KBTBD6: variants seen among roughly 807,000 people sequenced by gnomAD.
The protein encoded by KBTBD6 is kelch repeat and BTB domain containing 6.
A neutral mutation model predicts 34.4 loss-of-function variants in KBTBD6; 6 were observed. That is an observed-to-expected ratio of 0.17 (90% CI 0.10 to 0.34). The LOEUF is 0.34. KBTBD6 is among the 10% of genes least tolerant of loss of function. The pLI is 1.00. For synonymous variants in KBTBD6, 288 were observed against 327.2 expected (o/e 0.88, Z 1.29); for missense variants, 557 against 856.0 (o/e 0.65, Z 4.36).
rs767298954 is a variant in KBTBD6 at position 41,131,516 on chromosome 13, T to G, written c.996A>C (p.Glu332Asp). Residue 332 changes from glutamate (E) to aspartate (D), a missense_variant, in exon 1 of 1, where the codon GAA (glutamate) becomes GAC (aspartate). Glu to Asp is a conservative substitution (Grantham distance 45). Transcript: ENST00000379485. This position sits in a 1 kb window ranked among gnomAD's most constrained non-coding sequence, Gnocchi z 5.8. ...ACATACCCAGTCTCTGGGGTGGATT[T>G]TCTGCTGCAGATACAAGAGAGTTGC... is the stretch of plus-strand genomic sequence containing the variant. Reference protein sequence around the residue: ...SSSNSLVSAAENPPQRLGMCA... With the variant: ...SSSNSLVSAADNPPQRLGMCA... The G allele has an allele frequency of 1.2e-5, 20 of 1,614,064 alleles. No individual in the cohort carries two copies. Among genetic ancestry groups the G allele is most frequent in the Middle Eastern group, 1.6e-4 (1 of 6,084 alleles).
In KBTBD6 at chr13:41,128,705, G is replaced by A; in HGVS notation, c.*1782C>T. On this transcript the variant is annotated 3_prime_UTR_variant, in exon 1 of 1. Transcript: ENST00000379485. Reference sequence around the variant, plus strand: ...GTGCTGAGACATGATCATAGCTGCAGTGAGCTATGATTATAGCTGCAGATG... The same window carrying A: ...GTGCTGAGACATGATCATAGCTGCAATGAGCTATGATTATAGCTGCAGATG... The A allele has an allele frequency of 2.7e-6, 1 of 373,490 alleles. No individual in the cohort carries two copies. 23.1% of individuals were successfully genotyped at this position (373,490 alleles called of 1,614,324 possible).
Position 41,132,682 on chromosome 13 carries a change from T to A in KBTBD6, c.-171A>T. The A allele has an allele frequency of 2.6e-6, 2 of 764,652 alleles. No homozygotes were observed. 47.4% of individuals were successfully genotyped at this position (764,652 alleles called of 1,614,324 possible). A position where few individuals can be genotyped will look rare whatever the true frequency, so the allele number is the denominator to read the frequency against. ...CCGCAGAACCGCCTCCCGTTATCGT[T>A]TAGACAGTGGCTGACTCACCCTCTC... On this transcript the variant is annotated 5_prime_UTR_variant, in exon 1 of 1. Transcript: ENST00000379485.
Position 41,131,746 on chromosome 13 carries a change from G to A in KBTBD6, c.766C>T (p.Pro256Ser). ...WLEAAPKERG[P>S]SAAEVFKCVR... ...CACTTGAAGACTTCTGCAGCACTGG[G>A]ACCCCGCTCTTTGGGAGCAGCCTCC... Residue 256 changes from proline to serine, a missense_variant, in exon 1 of 1, where the codon CCC becomes TCC. By Grantham distance (74) the Pro-to-Ser change is moderately conservative (BLOSUM62 -1). Around this residue, in one of 4 missense-constraint regions of KBTBD6, gnomAD observed 100 missense variants for 102.1 expected, o/e 0.98. Transcript: ENST00000379485. This position sits in a 1 kb window ranked among gnomAD's most constrained non-coding sequence, Gnocchi z 5.8. The A allele has an allele frequency of 1.2e-6, 2 of 1,614,190 alleles. No homozygotes were observed. Among genetic ancestry groups the A allele is most frequent in the Non-Finnish European group, 1.7e-6 (2 of 1,180,042 alleles).
In KBTBD6 at chr13:41,131,447, G is replaced by A; in HGVS notation, c.1065C>T (p.Pro355=). The A allele has an allele frequency of 1.9e-6, 3 of 1,614,190 alleles. No homozygotes were observed. The highest frequency in any genetic ancestry group is 2.5e-6 in the Non-Finnish European group (3 of 1,180,042). The change falls in exon 1 of 1, where the codon CCC becomes CCT. Residue 355 remains proline, a synonymous_variant. Coordinates refer to ENST00000379485, the MANE Select transcript of KBTBD6 (RefSeq NM_152903.5). This position sits in a 1 kb window ranked among gnomAD's most constrained non-coding sequence, Gnocchi z 5.8. ...MVIFFGHPRD[P]FLCCDPYSGD... is the part of the protein sequence containing the mutation. ...CCGAGTATGGATCACAGCAGAGAAA[G>A]GGATCTCTGGGGTGTCCAAAGAAGA...
chr13:41,132,155 G>C lies in KBTBD6; in HGVS notation c.357C>G (p.Ala119=). 1.2e-6 allele frequency: 2 copies of C among 1,614,240 alleles called. No individual in the cohort carries two copies. The highest frequency in any genetic ancestry group is 8.5e-7 in the Non-Finnish European group (1 of 1,180,042). ...QASVTMHDVD[A]ESFEVLVDYC... ...AGTCGACCAACACCTCGAAGGACTC[G>C]GCGTCCACATCGTGCATGGTCACGC... The change falls in exon 1 of 1, where the codon GCC becomes GCG. Residue 119 remains alanine, a synonymous_variant. Coordinates refer to ENST00000379485, the MANE Select transcript of KBTBD6 (RefSeq NM_152903.5).
rs150312952 is a variant in KBTBD6 at position 41,131,297 on chromosome 13, G to C, written c.1215C>G (p.Leu405=). ...TATTCTGAGCTGGTTTATACACCCA[G>C]AGGTCTGTCCTGGGCTGAGCAGCTA... ...IYLAAQPRTD[L]WVYKPAQNSW... The change falls in exon 1 of 1, where the codon CTC becomes CTG. Residue 405 remains leucine, a synonymous_variant. Transcript: ENST00000379485. This position sits in a 1 kb window ranked among gnomAD's most constrained non-coding sequence, Gnocchi z 5.8. 4.4e-4 allele frequency: 704 copies of C among 1,614,218 alleles called. 1 individual carries two copies. Among genetic ancestry groups the C allele is most frequent in the South Asian group, 2.4e-3 (223 of 91,086 alleles).
chr13:41,128,637 G>C lies in KBTBD6; in HGVS notation c.*1850C>G, dbSNP rs960962429. ...CTTATGTTCTTTAACTATCAACTTT[G>C]TTTTTCTAAGAGATGGGATCTCGTT... is the stretch of plus-strand genomic sequence containing the variant. On this transcript the variant is annotated 3_prime_UTR_variant, in exon 1 of 1. Coordinates refer to ENST00000379485, the MANE Select transcript of KBTBD6 (RefSeq NM_152903.5). 1.3e-5 allele frequency: 5 copies of C among 389,120 alleles called. No individual in the cohort carries two copies. Among genetic ancestry groups the C allele is most frequent in the Non-Finnish European group, 1.4e-5 (3 of 219,500 alleles). The allele number at this position is 389,120 out of a possible 1,614,324, so 24.1% of individuals were successfully genotyped here.
chr13:41,130,516 C>T lies in KBTBD6; in HGVS notation c.1996G>A (p.Asp666Asn). 2 of 1,613,950 alleles carry T rather than the reference C, an allele frequency of 1.2e-6. No individual in the cohort carries two copies. Residue 666 changes from aspartate (D) to asparagine (N), a missense_variant, in exon 1 of 1, where the codon GAT becomes AAT. Asp to Asn is a conservative substitution (Grantham distance 23). Coordinates refer to ENST00000379485, the MANE Select transcript of KBTBD6 (RefSeq NM_152903.5). This position sits in a 1 kb window ranked among gnomAD's most constrained non-coding sequence, Gnocchi z 4.8. The stretch of plus-strand genomic sequence containing the variant: ...TGAGGCGCTACACGCACCCAAAAAT[C>T]ATCATCAGAAAGAGAACTTGAACTT... ...SGSSSSLSDD[D>N]FWVRVAPQ
rs1459079616 is a variant in KBTBD6 at position 41,131,311 on chromosome 13, G to C, written c.1201C>G (p.Pro401Ala). Reference sequence around the variant, plus strand: ...TTATACACCCAGAGGTCTGTCCTGGGCTGAGCAGCTAGATAGATGTCATGG... The same window carrying C: ...TTATACACCCAGAGGTCTGTCCTGGCCTGAGCAGCTAGATAGATGTCATGG... Reference protein sequence around the residue: ...PDHDIYLAAQPRTDLWVYKPA... With the variant: ...PDHDIYLAAQARTDLWVYKPA... Residue 401 changes from proline to alanine, a missense_variant, in exon 1 of 1, where the codon CCC becomes GCC. Transcript: ENST00000379485. This position sits in a 1 kb window ranked among gnomAD's most constrained non-coding sequence, Gnocchi z 5.8. The C allele has an allele frequency of 6.2e-7, 1 of 1,614,070 alleles. No homozygotes were observed.
In KBTBD6 at chr13:41,130,391, T is replaced by C; in HGVS notation, c.*96A>G. On this transcript the variant is annotated 3_prime_UTR_variant, in exon 1 of 1. Transcript: ENST00000379485. The surrounding 1 kb of genome is among the most constrained non-coding windows in gnomAD (Gnocchi z 4.8). The stretch of plus-strand genomic sequence containing the variant: ...AAGTTAATCAACTTTTCCTCTCCTT[T>C]AGGAACAAAAAGGATATTTAAGATA... 3.2e-6 allele frequency: 3 copies of C among 924,998 alleles called. No individual in the cohort carries two copies. The highest frequency in any genetic ancestry group is 4.9e-6 in the Non-Finnish European group (3 of 617,730). The allele number at this position is 924,998 out of a possible 1,614,324, so 57.3% of individuals were successfully genotyped here. A position where few individuals can be genotyped will look rare whatever the true frequency, so the allele number is the denominator to read the frequency against.
rs150633583 is a variant in KBTBD6, at chr13:41,131,761, G to A, written c.751C>T (p.Pro251Ser). The A allele has an allele frequency of 6.2e-7, 1 of 1,613,786 alleles. No homozygotes were observed. Among genetic ancestry groups the A allele is most frequent in the Non-Finnish European group, 8.5e-7 (1 of 1,179,870 alleles). Residue 251 changes from proline (P) to serine (S), a missense_variant, in exon 1 of 1, where the codon CCC becomes TCC. By Grantham distance (74) the Pro-to-Ser change is moderately conservative (BLOSUM62 -1). This residue lies in a region of KBTBD6 where 100 missense variants were observed against 102.1 expected (regional missense o/e 0.98). Coordinates refer to ENST00000379485, the MANE Select transcript of KBTBD6 (RefSeq NM_152903.5). This position sits in a 1 kb window ranked among gnomAD's most constrained non-coding sequence, Gnocchi z 5.8. Reference sequence around the variant, plus strand: ...GCAGCACTGGGACCCCGCTCTTTGGGAGCAGCCTCCAGCCACTGCACTGCC... The same window carrying A: ...GCAGCACTGGGACCCCGCTCTTTGGAAGCAGCCTCCAGCCACTGCACTGCC... ...HVAVQWLEAA[P>S]KERGPSAAEV... is the part of the protein sequence containing the mutation.
chr13:41,131,422 C>T lies in KBTBD6; in HGVS notation c.1090G>A (p.Gly364Arg). The T allele has an allele frequency of 6.2e-7, 1 of 1,614,108 alleles. No homozygotes were observed. Among genetic ancestry groups the T allele is most frequent in the African/African-American group, 1.3e-5 (1 of 75,008 alleles). ...GGTGACGGCACTTTGTAAAGGTCCC[C>T]CGAGTATGGATCACAGCAGAGAAAG... ...DPFLCCDPYS[G>R]DLYKVPSPLT... Residue 364 changes from glycine (G) to arginine (R), a missense_variant, in exon 1 of 1, where the codon GGG (glycine) becomes AGG (arginine). Coordinates refer to ENST00000379485, the MANE Select transcript of KBTBD6 (RefSeq NM_152903.5). This position sits in a 1 kb window ranked among gnomAD's most constrained non-coding sequence, Gnocchi z 5.8.
At position 41,128,818 on chromosome 13, in the gene KBTBD6, T is replaced by C. The variant is rs2030037599; in HGVS notation, c.*1669A>G. 3.5e-6 allele frequency: 1 copy of C among 283,262 alleles called. No homozygotes were observed. The highest frequency in any genetic ancestry group is 5.3e-5 in the East Asian group (1 of 18,764). 17.5% of individuals were successfully genotyped at this position (283,262 alleles called of 1,614,324 possible). On this transcript the variant is annotated 3_prime_UTR_variant, in exon 1 of 1. Transcript: ENST00000379485. ...ACTGGGACTCAGACTTGGGCCACCATGCCCAGACATATTTTTTATTTTTGT... is the reference window on the plus strand; with the variant it reads ...ACTGGGACTCAGACTTGGGCCACCACGCCCAGACATATTTTTTATTTTTGT...
At position 41,132,338 on chromosome 13, in the gene KBTBD6, A is replaced by G. The variant is rs774398240; in HGVS notation, c.174T>C (p.Asp58=). 1.5e-5 allele frequency: 24 copies of G among 1,614,122 alleles called. No homozygotes were observed. The highest frequency in any genetic ancestry group is 5.5e-5 in the South Asian group (5 of 91,092). Residue 58 remains aspartate (D), a synonymous_variant, in exon 1 of 1, where the codon GAT becomes GAC. Transcript: ENST00000379485. ...ALLAQLKSFY[D]ARLLCDVTIE... The stretch of plus-strand genomic sequence containing the variant: ...TGGTCACATCACACAGCAGCCGCGC[A>G]TCGTAGAAGGACTTGAGCTGTGCCA...
At position 41,129,307 on chromosome 13, in the gene KBTBD6, A is replaced by G. The variant is rs973948752; in HGVS notation, c.*1180T>C. On this transcript the variant is annotated 3_prime_UTR_variant, in exon 1 of 1. Transcript: ENST00000379485. ...TAAGGCAATAGATAAAAATTTATAC[A>G]ATCCAGTGAAATTTATACATGTCCA... The G allele has an allele frequency of 1.3e-5, 2 of 152,306 alleles. No individual in the cohort carries two copies. The highest frequency in any genetic ancestry group is 2.9e-5 in the Non-Finnish European group (2 of 68,048). The allele number at this position is 152,306 out of a possible 1,614,324, so 9.4% of individuals were successfully genotyped here. A position where few individuals can be genotyped will look rare whatever the true frequency, so the allele number is the denominator to read the frequency against.
In KBTBD6 at chr13:41,132,279, G is replaced by A. The variant is rs2030116764; in HGVS notation, c.233C>T (p.Thr78Met). The change falls in exon 1 of 1, where the codon ACG becomes ATG. Residue 78 changes from threonine (T) to methionine (M), a missense_variant. Thr to Met is a moderately conservative substitution (Grantham distance 81). Coordinates refer to ENST00000379485, the MANE Select transcript of KBTBD6 (RefSeq NM_152903.5). ...GCGGTTGCAGGGGAACAGGCGACCCGTGCCAGGCCCGCTGCCAGGCGTCAC... is the reference window on the plus strand; with the variant it reads ...GCGGTTGCAGGGGAACAGGCGACCCATGCCAGGCCCGCTGCCAGGCGTCAC... The part of the protein sequence containing the change: ...EVVTPGSGPG[T>M]GRLFPCNRNV... 1.2e-6 allele frequency: 2 copies of A among 1,614,208 alleles called. No individual in the cohort carries two copies. Among genetic ancestry groups the A allele is most frequent in the South Asian group, 1.1e-5 (1 of 91,082 alleles).
rs922523855 is a variant in KBTBD6, at chr13:41,128,330, T to C, written c.*2157A>G. 8 of 364,888 alleles carry C rather than the reference T, an allele frequency of 2.2e-5. No individual in the cohort carries two copies. The highest frequency in any genetic ancestry group is 3.4e-5 in the Non-Finnish European group (7 of 203,654). 22.6% of individuals were successfully genotyped at this position (364,888 alleles called of 1,614,324 possible). On this transcript the variant is annotated 3_prime_UTR_variant, in exon 1 of 1. Coordinates refer to ENST00000379485, the MANE Select transcript of KBTBD6 (RefSeq NM_152903.5). ...AATGTAGACCATAAGCATCTGGTCA[T>C]TCATCATGTACATGTATCATGTCAA...
rs1411623706 is a variant in KBTBD6, at chr13:41,127,724, A to G, written c.*2763T>C. 4 of 152,194 alleles carry G rather than the reference A, an allele frequency of 2.6e-5. No individual in the cohort carries two copies. The highest frequency in any genetic ancestry group is 2.6e-4 in the Admixed American group (4 of 15,282). The allele number at this position is 152,194 out of a possible 1,614,324, so 9.4% of individuals were successfully genotyped here. On this transcript the variant is annotated 3_prime_UTR_variant, in exon 1 of 1. Coordinates refer to ENST00000379485, the MANE Select transcript of KBTBD6 (RefSeq NM_152903.5). ...AGTCTAAGCTTTAATTCAAAGGTTG[A>G]GAATGACGAATTCAAGAATTTCTTT...
At position 41,130,399 on chromosome 13, in the gene KBTBD6, A is replaced by G; in HGVS notation, c.*88T>C. The stretch of plus-strand genomic sequence containing the variant: ...CAACTTTTCCTCTCCTTTAGGAACA[A>G]AAAGGATATTTAAGATATTTTCCAA... On this transcript the variant is annotated 3_prime_UTR_variant, in exon 1 of 1. Coordinates refer to ENST00000379485, the MANE Select transcript of KBTBD6 (RefSeq NM_152903.5). This position sits in a 1 kb window ranked among gnomAD's most constrained non-coding sequence, Gnocchi z 4.8. The G allele has an allele frequency of 1.0e-6, 1 of 995,006 alleles. No homozygotes were observed. Among genetic ancestry groups the G allele is most frequent in the East Asian group, 2.5e-5 (1 of 40,802 alleles). The allele number at this position is 995,006 out of a possible 1,614,324, so 61.6% of individuals were successfully genotyped here. A position where few individuals can be genotyped will look rare whatever the true frequency, so the allele number is the denominator to read the frequency against.
Sources: gnomAD v4.1 joint callset for allele counts on GRCh38, gnomAD v4.1.1 for gene constraint, gnomAD v4.1.1 regional missense constraint, Gnocchi (gnomAD v3.1) non-coding constraint, MANE v1.5 for transcripts, NCBI Gene and HGNC (gene_info 2026-07-23, HGNC 2026-07-21) for gene names.